The following RPRD1B variants were observed in gnomAD, a reference collection of about 807,000 sequenced individuals.
RPRD1B encodes regulation of nuclear pre-mRNA domain-containing protein 1B.
RPRD1B carries 11 observed loss-of-function variants against 41.5 expected under a neutral mutation model. The observed-to-expected ratio is 0.27, with a 90% CI of 0.17 to 0.44. The LOEUF (loss-of-function observed/expected upper bound fraction) is 0.44, where lower values mean the gene tolerates loss of function less well. RPRD1B is among the 20% of genes least tolerant of loss of function. The probability of loss-of-function intolerance (pLI) is 1.00; values close to 1 mark genes in which losing one functional copy is unlikely to be tolerated. For missense variants in RPRD1B, 248 were observed against 389.9 expected (o/e 0.64, Z 3.06); for synonymous variants, 158 against 155.6 (o/e 1.02, Z -0.12).
intron 1 of RPRD1B, among the ~76,000 whole-genome samples, chr20:38,035,718 G>C (rs2073995741): frequency 6.6e-6 from 1 of 151,952 alleles, no homozygotes; most frequent in Non-Finnish European, 1.5e-5. Flanking sequence ...AATTCTATTG[G>C]GTGGGACCTC....
chr20:38,092,308 T>G lies in RPRD1B; in HGVS notation c.*2433T>G. On this transcript the variant is annotated 3_prime_UTR_variant, in exon 7 of 7. Transcript: ENST00000373433. ...TAGGCTGTCGTTGGCGGCAGCAGTATATTCTGAAATGTCTCATAGATATAT... is the reference window on the plus strand; with the variant it reads ...TAGGCTGTCGTTGGCGGCAGCAGTAGATTCTGAAATGTCTCATAGATATAT... The G allele has an allele frequency of 1.0e-6, 1 of 984,988 alleles. No homozygotes were observed. The highest frequency in any genetic ancestry group is 1.2e-6 in the Non-Finnish European group (1 of 829,130). 61.0% of individuals were successfully genotyped at this position (984,988 alleles called of 1,614,324 possible). A position where few individuals can be genotyped will look rare whatever the true frequency, so the allele number is the denominator to read the frequency against.
At chr20:38,086,679 C>T (rs893558760) in intron 6 of RPRD1B, among the ~76,000 whole-genome samples, 2 of 152,212 alleles carry the variant, frequency 1.3e-5, no homozygotes, top group Non-Finnish European at 2.9e-5. Flanking sequence ...GTCTCACTCT[C>T]CCTCTTTCTT....
intron 1 of RPRD1B, among the ~76,000 whole-genome samples, chr20:38,035,839 A>T (rs2073997851): frequency 6.7e-6 from 1 of 149,990 alleles, no homozygotes; most frequent in Non-Finnish European, 1.5e-5. Context: ...ATCTCAGCTC[A>T]CTGCAAGCTC....
chr20:38,059,290 G>A (rs1223295264), intron 4 of RPRD1B, 104 bp from the exon 5 acceptor site: 18 of 1,201,008 alleles, frequency 1.5e-5, no homozygotes, highest in East Asian at 2.6e-5. Context: ...GAAATGGCAG[G>A]AATGACTGTT....
At chr20:38,043,645 G>A (rs2074091362) in intron 2 of RPRD1B, among the ~76,000 whole-genome samples, 1 of 152,172 alleles carries the variant, frequency 6.6e-6, no homozygotes, top group Admixed American at 6.5e-5. Context: ...GATACTAATA[G>A]CTTCCATTTA....
chr20:38,091,173 C>T lies in RPRD1B; in HGVS notation c.*1298C>T. On this transcript the variant is annotated 3_prime_UTR_variant, in exon 7 of 7. Coordinates refer to ENST00000373433, the MANE Select transcript of RPRD1B (RefSeq NM_021215.4). ...GGAAAGGGCAGAAAGCGATTTGCCCCAGTAGTGTAATAGGAGTTATAGACC... is the reference window on the plus strand; with the variant it reads ...GGAAAGGGCAGAAAGCGATTTGCCCTAGTAGTGTAATAGGAGTTATAGACC... 2 of 985,674 alleles carry T rather than the reference C, an allele frequency of 2.0e-6. No homozygotes were observed. The highest frequency in any genetic ancestry group is 2.4e-6 in the Non-Finnish European group (2 of 829,884). 61.1% of individuals were successfully genotyped at this position (985,674 alleles called of 1,614,324 possible).
chr20:38,074,776 T>A (rs149234798), intron 6 of RPRD1B, among the ~76,000 whole-genome samples: 2 of 152,330 alleles, frequency 1.3e-5, no homozygotes, highest in East Asian at 1.9e-4. Flanking sequence ...TTTTTTTGAT[T>A]GTAAAAGTAA....
chr20:38,049,941 G>C (rs2074167868), intron 3 of RPRD1B: 1 of 436,150 alleles, frequency 2.3e-6, no homozygotes. Context: ...CCCTCTGGAT[G>C]CTCTGTTGGC....
chr20:38,087,398 C>A (rs2074572031), intron 6 of RPRD1B, among the ~76,000 whole-genome samples: 1 of 152,158 alleles, frequency 6.6e-6, no homozygotes, highest in African/African-American at 2.4e-5. Flanking sequence ...AGTAAGGAGT[C>A]TTGGATTCTG....
chr20:38,066,289 ACGT>A, intron 6 of RPRD1B, 33 bp downstream of exon 6: 1 of 1,594,216 alleles, frequency 6.3e-7, no homozygotes, highest in Non-Finnish European at 8.6e-7. Context: ...CAGACTGCCC[ACGT>A]TTCCCTTCCT....
intron 6 of RPRD1B, among the ~76,000 whole-genome samples, chr20:38,087,291 G>C (rs1344444581): frequency 6.6e-6 from 1 of 152,212 alleles, no homozygotes; most frequent in Non-Finnish European, 1.5e-5. Context: ...TTGCCTAGGA[G>C]AGAGTTAGTT....
At chr20:38,083,972 GAAAATTTT>G (rs1057306913) in intron 6 of RPRD1B, 5 of 152,098 alleles carry the variant, frequency 3.3e-5, no homozygotes, top group Non-Finnish European at 5.9e-5. Flanking sequence ...GATCTTTGAA[GAAAATTTT>G]AAAATGGCAC....
chr20:38,043,130 A>C (rs1568643890), intron 2 of RPRD1B, among the ~76,000 whole-genome samples: 1 of 152,230 alleles, frequency 6.6e-6, no homozygotes, highest in African/African-American at 2.4e-5. Flanking sequence ...CTTTCAGAGC[A>C]GGACAATATG....
rs1428843679 is a variant in RPRD1B at position 38,087,332 on chromosome 20, G to T, written c.832-2394G>T. ...TAAGGTGGTGTCTAATTAGAGCAAA[G>T]TGCCTTCCATTTTAACTTCAATGAA... On this transcript the variant is annotated intron_variant, in intron 6 of 6. Transcript: ENST00000373433. Among the ~76,000 whole-genome samples, 4 of 152,236 alleles carry T rather than the reference G, an allele frequency of 2.6e-5. No homozygotes were observed. The South Asian group carries it at 8.3e-4, about 31-fold the overall frequency.
At chr20:38,082,661 A>G (rs181359985) in intron 6 of RPRD1B, among the ~76,000 whole-genome samples, 89 of 152,312 alleles carry the variant, frequency 5.8e-4, no homozygotes, top group Non-Finnish European at 3.2e-4. Context: ...TGCTGGGATT[A>G]CAGGCGTGAG....
chr20:38,091,714 A>G lies in RPRD1B; in HGVS notation c.*1839A>G, dbSNP rs1449234136. ...TCTGGGACACTCTATGCTTTCACCA[A>G]GGAAGTGCGATCTGAGCAGCCACAA... On this transcript the variant is annotated 3_prime_UTR_variant, in exon 7 of 7. Transcript: ENST00000373433. 3.0e-6 allele frequency: 3 copies of G among 985,558 alleles called. No homozygotes were observed. The highest frequency in any genetic ancestry group is 3.5e-5 in the African/African-American group (2 of 57,214). The allele number at this position is 985,558 out of a possible 1,614,324, so 61.1% of individuals were successfully genotyped here. A position where few individuals can be genotyped will look rare whatever the true frequency, so the allele number is the denominator to read the frequency against.
intron 6 of RPRD1B, among the ~76,000 whole-genome samples, chr20:38,089,074 G>A (rs929329727): frequency 6.6e-6 from 1 of 152,200 alleles, no homozygotes; most frequent in Non-Finnish European, 1.5e-5. Context: ...AGCTAGTGGG[G>A]TGCCGTGCCT....
chr20:38,051,546 ATT>A (rs1352298933), intron 3 of RPRD1B, among the ~76,000 whole-genome samples: 1 of 152,202 alleles, frequency 6.6e-6, no homozygotes, highest in African/African-American at 2.4e-5. Context: ...AGGTATAGTA[ATT>A]TTGTTCAGAG....
Position 38,068,559 on chromosome 20 carries a change from C to T in RPRD1B, c.831+2303C>T, listed in dbSNP as rs565160590. ...GATTATAGGCATGTACTACCACGCCCGGCTAATTTTTTTTGTTTTTAGCAG... is the reference window on the plus strand; with the variant it reads ...GATTATAGGCATGTACTACCACGCCTGGCTAATTTTTTTTGTTTTTAGCAG... On this transcript the variant is annotated intron_variant, in intron 6 of 6. Transcript: ENST00000373433. Among the ~76,000 whole-genome samples, 15 of 152,196 alleles carry T rather than the reference C, an allele frequency of 9.9e-5. No homozygotes were observed. The South Asian group carries it at 2.1e-3, about 21-fold the overall frequency.
Sources: allele counts gnomAD v4.1 joint callset (sites outside exome capture counted in the v4.1 genomes callset), GRCh38; gene constraint gnomAD v4.1.1; transcripts MANE v1.5; gene names NCBI Gene and HGNC (gene_info 2026-07-23, HGNC 2026-07-21).